Variants in AKT3 observed in about 807,000 individuals in gnomAD.
AKT3 encodes the protein RAC-gamma serine/threonine-protein kinase.
AKT3 carries 15 observed loss-of-function variants against 65.3 expected under a neutral mutation model. The observed-to-expected ratio is 0.23, with a 90% CI of 0.15 to 0.35. The LOEUF (loss-of-function observed/expected upper bound fraction) is 0.35. Ranked by LOEUF, AKT3 falls within the 10% of genes least tolerant of loss-of-function variation. The probability of loss-of-function intolerance (pLI) is 1.00; values close to 1 mark genes in which losing one functional copy is unlikely to be tolerated. For synonymous variants in AKT3, 206 were observed against 183.8 expected (o/e 1.12, Z -0.98); for missense variants, 243 against 576.5 (o/e 0.42, Z 5.92).
chr1:243,616,872 T>C (rs1034881814), intron 6 of AKT3, among the ~76,000 whole-genome samples: 11 of 152,294 alleles, frequency 7.2e-5, no homozygotes, highest in Admixed American at 5.9e-4. Context: ...TCAGTCTTAT[T>C]TGTTTTATAG....
At chr1:243,828,281 C>G (rs1174549613) in intron 2 of AKT3, among the ~76,000 whole-genome samples, 1 of 152,086 alleles carries the variant, frequency 6.6e-6, no homozygotes, top group Non-Finnish European at 1.5e-5. Context: ...GATTCCTATA[C>G]CCATATAAAG....
chr1:243,832,944 G>A (rs1212446889), intron 2 of AKT3, among the ~76,000 whole-genome samples: 1 of 152,086 alleles, frequency 6.6e-6, no homozygotes, highest in African/African-American at 2.4e-5. Context: ...GGCTGTATTT[G>A]TCCATTTTCA....
Position 243,512,429 on chromosome 1 carries a change from G to T in AKT3, c.1252-3C>A. The stretch of plus-strand genomic sequence containing the variant: ...TGAGGTTTAAAAGGAGGTACAAGCT[G>T]TAAAAAGAAAGAAAAAGAGTTTTAT... On this transcript the variant is annotated splice_region_variant and splice_polypyrimidine_tract_variant and intron_variant, in intron 12 of 13. Transcript: ENST00000673466. 6.6e-7 allele frequency: 1 copy of T among 1,520,896 alleles called. No homozygotes were observed. Among genetic ancestry groups the T allele is most frequent in the Non-Finnish European group, 8.9e-7 (1 of 1,120,304 alleles). The allele number at this position is 1,520,896 out of a possible 1,614,324, so 94.2% of individuals were successfully genotyped here. A position where few individuals can be genotyped will look rare whatever the true frequency, so the allele number is the denominator to read the frequency against.
chr1:243,804,456 G>A (rs539304072), intron 2 of AKT3, among the ~76,000 whole-genome samples: 2 of 152,206 alleles, frequency 1.3e-5, no homozygotes, highest in East Asian at 3.9e-4. Flanking sequence ...ACACATTGTA[G>A]AATAGTTAAA....
intron 6 of AKT3, among the ~76,000 whole-genome samples, chr1:243,634,673 CA>C (rs1679851874): frequency 6.6e-6 from 1 of 151,334 alleles, no homozygotes; most frequent in Non-Finnish European, 1.5e-5. Context: ...TAATATCAGA[CA>C]AAATAGACTT....
chr1:243,743,002 T>C (rs1688256311), intron 2 of AKT3, among the ~76,000 whole-genome samples: 1 of 152,022 alleles, frequency 6.6e-6, no homozygotes, highest in South Asian at 2.1e-4. Flanking sequence ...CAGAAGGAGG[T>C]AGCTCTTAAC....
At chr1:243,545,836 G>A (rs1672629501) in intron 11 of AKT3, among the ~76,000 whole-genome samples, 1 of 152,228 alleles carries the variant, frequency 6.6e-6, no homozygotes. Context: ...AGATCTGGAA[G>A]AGGCAATCAT....
intron 2 of AKT3, among the ~76,000 whole-genome samples, chr1:243,767,744 G>T (rs1281091214): frequency 6.6e-6 from 1 of 152,114 alleles, no homozygotes; most frequent in Admixed American, 6.6e-5. Context: ...TTGGTCATGA[G>T]TTGAAAATTT....
chr1:243,555,588 G>C (rs1312014081), intron 10 of AKT3, among the ~76,000 whole-genome samples: 1 of 151,814 alleles, frequency 6.6e-6, no homozygotes, highest in Non-Finnish European at 1.5e-5. Flanking sequence ...TTTAACTTAA[G>C]GATTGCAAAT....
intron 6 of AKT3, among the ~76,000 whole-genome samples, chr1:243,617,823 A>G (rs1678444335): frequency 6.6e-6 from 1 of 152,184 alleles, no homozygotes; most frequent in Admixed American, 6.6e-5. Context: ...GGCAGCGGAA[A>G]AAGAAAAAGG....
chr1:243,807,407 G>A (rs2148385981), intron 2 of AKT3, among the ~76,000 whole-genome samples: 1 of 152,348 alleles, frequency 6.6e-6, no homozygotes, highest in East Asian at 1.9e-4. Flanking sequence ...GGCTCGGAGG[G>A]TCCTATGCCC....
At chr1:243,832,928 T>C (rs959413149) in intron 2 of AKT3, among the ~76,000 whole-genome samples, 1 of 152,128 alleles carries the variant, frequency 6.6e-6, no homozygotes, top group Non-Finnish European at 1.5e-5. Flanking sequence ...CAAAACATCA[T>C]TATATGGCTG....
At chr1:243,699,749 C>T (rs574569502) in intron 2 of AKT3, among the ~76,000 whole-genome samples, 17 of 152,084 alleles carry the variant, frequency 1.1e-4, no homozygotes, top group African/African-American at 4.1e-4. Context: ...TATATGGCAA[C>T]ACATGTGATT....
intron 2 of AKT3, among the ~76,000 whole-genome samples, chr1:243,755,376 C>CT (rs1186170601): frequency 6.6e-6 from 1 of 151,864 alleles, no homozygotes; most frequent in African/African-American, 2.4e-5. Flanking sequence ...GCCCGGTCTC[C>CT]TTTTTAATTC....
chr1:243,771,882 C>T (rs563058405), intron 2 of AKT3, among the ~76,000 whole-genome samples: 86 of 152,098 alleles, frequency 5.7e-4, no homozygotes, highest in Non-Finnish European at 1.2e-3. Flanking sequence ...AGAAATAATA[C>T]CACACATCTA....
chr1:243,674,766 A>G (rs1157799213), intron 3 of AKT3, among the ~76,000 whole-genome samples: 1 of 152,254 alleles, frequency 6.6e-6, no homozygotes, highest in African/African-American at 2.4e-5. Context: ...GGAAATCTGA[A>G]TATGAATTTG....
At chr1:243,576,943 A>T (rs1674984890) in intron 8 of AKT3, among the ~76,000 whole-genome samples, 1 of 152,216 alleles carries the variant, frequency 6.6e-6, no homozygotes, top group African/African-American at 2.4e-5. Context: ...AAAAGAACAA[A>T]GCTGGAGCCA....
intron 8 of AKT3, among the ~76,000 whole-genome samples, chr1:243,594,891 C>T (rs536056555): frequency 6.6e-6 from 1 of 152,200 alleles, no homozygotes; most frequent in Admixed American, 6.5e-5. Flanking sequence ...AAGGACAGCC[C>T]TTTCAATGAA....
chr1:243,638,130 C>T (rs188474265), intron 5 of AKT3, among the ~76,000 whole-genome samples: 96 of 152,056 alleles, frequency 6.3e-4, no homozygotes, highest in African/African-American at 2.1e-3. Flanking sequence ...CCAAATATGC[C>T]TAAAAAAGCA....
Sources: gnomAD v4.1 joint callset for allele counts (sites outside exome capture counted in the v4.1 genomes callset) on GRCh38, gnomAD v4.1.1 for gene constraint, MANE v1.5 for transcripts, NCBI Gene and HGNC (gene_info 2026-07-23, HGNC 2026-07-21) for gene names.